SND1: variants seen among roughly 807,000 people sequenced by gnomAD.
The protein encoded by SND1 is staphylococcal nuclease and tudor domain containing 1.
SND1 carries 38 observed loss-of-function variants against 121.7 expected under a neutral mutation model. That is an observed-to-expected ratio of 0.31 (90% CI 0.24 to 0.41). SND1 has a LOEUF of 0.41. Ranked by LOEUF, SND1 falls within the 10% of genes least tolerant of loss-of-function variation. The pLI is 1.00. For synonymous variants in SND1, 401 were observed against 447.4 expected, an observed-to-expected ratio of 0.90 and a Z score of 1.31; for missense variants, 868 against 1,184.6, an observed-to-expected ratio of 0.73 and a Z score of 3.92.
At chr7:127,929,155 T>C (rs1800909745) in intron 14 of SND1, 33 bp from the exon 15 acceptor site, 2 of 1,610,892 alleles carry the variant, frequency 1.2e-6, no homozygotes, top group Non-Finnish European at 1.7e-6. Context: ...TTTTATTACT[T>C]TCCAGTTACT....
chr7:127,716,165 T>A (rs774831555), intron 9 of SND1, among the ~76,000 whole-genome samples: 1 of 152,168 alleles, frequency 6.6e-6, no homozygotes, highest in Non-Finnish European at 1.5e-5. Context: ...GCTTTGTCCT[T>A]TTTCTGGATT....
intron 10 of SND1, among the ~76,000 whole-genome samples, chr7:127,756,535 C>T (rs1039465840): frequency 6.6e-6 from 1 of 152,210 alleles, no homozygotes; most frequent in African/African-American, 2.4e-5. Context: ...TAGAATGTAG[C>T]GCCTTTAGGC....
rs565573598 is a variant in SND1, at chr7:127,669,347, T to C, written c.78+16896T>C. Among the ~76,000 whole-genome samples the C allele has an allele frequency of 3.3e-4, 50 of 152,256 alleles. 1 individual carries two copies. Among genetic ancestry groups the C allele is most frequent in the African/African-American group, 1.0e-3 (43 of 41,552 alleles). ...CCCTTGTTACCCACTTCAGTAATGT[T>C]TTACCTAACTCATTTCTAACCACTC... is the stretch of plus-strand genomic sequence containing the variant. On this transcript the variant is annotated intron_variant, in intron 1 of 23. Coordinates refer to ENST00000354725, the MANE Select transcript of SND1 (RefSeq NM_014390.4).
At chr7:127,681,745 T>A (rs1795731682) in intron 1 of SND1, among the ~76,000 whole-genome samples, 1 of 152,232 alleles carries the variant, frequency 6.6e-6, no homozygotes, top group African/African-American at 2.4e-5. Context: ...AGGACTACTC[T>A]TTCCCCATCA....
rs762720042 is a variant in SND1 at position 127,721,364 on chromosome 7, C to T, written c.1116C>T (p.Ser372=). The T allele has an allele frequency of 9.9e-6, 16 of 1,612,610 alleles. No homozygotes were observed. The highest frequency in any genetic ancestry group is 2.7e-5 in the African/African-American group (2 of 74,758). ...ATTACAAGACGATTCACCTGTCCAG[C>T]ATCCGACCACCGAGGCTGGAGGGGG... is the stretch of plus-strand genomic sequence containing the variant. The part of the protein sequence containing the change: ...SGDYKTIHLS[S]IRPPRLEGEN... The change falls in exon 10 of 24, where the codon AGC becomes AGT. Residue 372 remains serine (S), a synonymous_variant. Coordinates refer to ENST00000354725, the MANE Select transcript of SND1 (RefSeq NM_014390.4).
At chr7:127,918,285 C>T (rs985407341) in intron 14 of SND1, among the ~76,000 whole-genome samples, 3 of 151,490 alleles carry the variant, frequency 2.0e-5, no homozygotes, top group South Asian at 2.1e-4. Flanking sequence ...AGGCTGGTCT[C>T]GAACTCCTGA....
intron 16 of SND1, among the ~76,000 whole-genome samples, chr7:128,042,941 G>A (rs1017119113): frequency 6.6e-6 from 1 of 152,200 alleles, no homozygotes; most frequent in Non-Finnish European, 1.5e-5. Flanking sequence ...CACTTGCTTA[G>A]GTGAACAAGA....
chr7:127,721,564 A>G (rs918357433), intron 10 of SND1, among the ~76,000 whole-genome samples, 164 bp downstream of exon 10: 8 of 152,188 alleles, frequency 5.3e-5, no homozygotes, highest in African/African-American at 1.9e-4. Flanking sequence ...CCTGACTACT[A>G]TTGGGCAGGT....
chr7:127,909,792 A>C (rs1366925483), intron 14 of SND1, among the ~76,000 whole-genome samples: 1 of 152,230 alleles, frequency 6.6e-6, no homozygotes, highest in Non-Finnish European at 1.5e-5. Context: ...TGCAGGGCAC[A>C]GGGGAAGAAG....
At chr7:127,929,356 C>G in intron 15 of SND1, 27 bp downstream of exon 15, 1 of 1,612,952 alleles carries the variant, frequency 6.2e-7, no homozygotes, top group Non-Finnish European at 8.5e-7. Flanking sequence ...ACATGTTACT[C>G]TGAGCTCAGA....
chr7:127,838,241 G>T (rs916425724), intron 11 of SND1, among the ~76,000 whole-genome samples: 1 of 152,194 alleles, frequency 6.6e-6, no homozygotes, highest in Non-Finnish European at 1.5e-5. Flanking sequence ...GTTGTTTACT[G>T]AAACTAGGGG....
chr7:127,806,052 C>G (rs1372235017), intron 10 of SND1, among the ~76,000 whole-genome samples: 1 of 152,128 alleles, frequency 6.6e-6, no homozygotes, highest in East Asian at 1.9e-4. Flanking sequence ...GAGGGAGGTA[C>G]TGTACTTGGC....
intron 12 of SND1, among the ~76,000 whole-genome samples, chr7:127,844,948 T>C (rs1246607161): frequency 6.6e-6 from 1 of 152,184 alleles, no homozygotes; most frequent in Admixed American, 6.5e-5. Flanking sequence ...AGATATCTGA[T>C]AGGGGAAGGA....
intron 11 of SND1, among the ~76,000 whole-genome samples, chr7:127,814,654 A>G (rs1189403690): frequency 6.6e-6 from 1 of 152,068 alleles, no homozygotes; most frequent in Non-Finnish European, 1.5e-5. Context: ...TATCTGCAAA[A>G]TAACCCATAT....
chr7:127,854,464 T>A (rs2116667859), intron 12 of SND1, among the ~76,000 whole-genome samples: 1 of 152,244 alleles, frequency 6.6e-6, no homozygotes, highest in African/African-American at 2.4e-5. Flanking sequence ...TTTCTCTTAT[T>A]TCATGGGGAC....
chr7:128,084,060 C>T (rs1393805801), intron 18 of SND1, among the ~76,000 whole-genome samples: 2 of 152,200 alleles, frequency 1.3e-5, no homozygotes, highest in Non-Finnish European at 2.9e-5. Flanking sequence ...CAGCCCCAGC[C>T]CAGCAGCACT....
At chr7:127,964,670 G>C (rs1801815389) in intron 15 of SND1, among the ~76,000 whole-genome samples, 1 of 151,504 alleles carries the variant, frequency 6.6e-6, no homozygotes, top group South Asian at 2.1e-4. Context: ...TTGTAGTATA[G>C]TTTGAAGTCA....
intron 1 of SND1, among the ~76,000 whole-genome samples, chr7:127,655,754 A>G (rs760356455): frequency 6.6e-6 from 1 of 152,192 alleles, no homozygotes; most frequent in Non-Finnish European, 1.5e-5. Context: ...CTTAGTATAA[A>G]TTGAGTCACC....
intron 16 of SND1, among the ~76,000 whole-genome samples, chr7:128,003,364 G>A (rs898474835): frequency 5.3e-5 from 8 of 152,142 alleles, no homozygotes; most frequent in African/African-American, 1.9e-4. Flanking sequence ...ACTGGAAACT[G>A]CTTCACTGTG....
Sources: gnomAD v4.1 joint callset for allele counts (sites outside exome capture counted in the v4.1 genomes callset) on GRCh38, gnomAD v4.1.1 for gene constraint, MANE v1.5 for transcripts, NCBI Gene and HGNC (gene_info 2026-07-23, HGNC 2026-07-21) for gene names.